The following PRX variants were observed in gnomAD, a reference collection of about 807,000 sequenced individuals.
PRX encodes the protein periaxin.
PRX carries 24 observed loss-of-function variants against 29.6 expected under a neutral mutation model. The ratio of observed to expected loss-of-function variants is 0.81; its 90% CI spans 0.59 to 1.14. PRX has a LOEUF of 1.14. Ranked by LOEUF, PRX falls within the 50% of genes most tolerant of loss-of-function variation. PRX has a pLI of 0.00. For missense variants in PRX, 1,838 were observed against 1,926.4 expected, an observed-to-expected ratio of 0.95 and a Z score of 0.86; for synonymous variants, 772 against 831.7, an observed-to-expected ratio of 0.93 and a Z score of 1.24.
intron 1 of PRX, among the ~76,000 whole-genome samples, chr19:40,409,351 T>A (rs894271018): frequency 6.6e-6 from 1 of 151,984 alleles, no homozygotes; most frequent in Non-Finnish European, 1.5e-5. Flanking sequence ...CTATAAAATG[T>A]GGAGAATAAG....
Position 40,398,880 on chromosome 19 carries a change from G to T in PRX, c.185-64C>A. 6.2e-7 allele frequency: 1 copy of T among 1,610,588 alleles called. No individual in the cohort carries two copies. Among genetic ancestry groups the T allele is most frequent in the South Asian group, 1.1e-5 (1 of 90,640 alleles). ...CCCGGCTCCGCCCGGGCCTAGTTCTGCCCACTTGCACGGAGCCCTCGCGGT... is the reference window on the plus strand; with the variant it reads ...CCCGGCTCCGCCCGGGCCTAGTTCTTCCCACTTGCACGGAGCCCTCGCGGT... On this transcript the variant is annotated intron_variant, in intron 5 of 6. Transcript: ENST00000324001. This position sits in a 1 kb window ranked among gnomAD's most constrained non-coding sequence, Gnocchi z 6.3.
chr19:40,395,030 C>T lies in PRX; in HGVS notation c.3322G>A (p.Glu1108Lys), dbSNP rs2079418168. The T allele has an allele frequency of 6.2e-7, 1 of 1,610,986 alleles. No homozygotes were observed. The highest frequency in any genetic ancestry group is 8.5e-7 in the Non-Finnish European group (1 of 1,179,970). Residue 1108 changes from glutamate (E) to lysine (K), a missense_variant, in exon 7 of 7, where the codon GAG (glutamate) becomes AAG (lysine). Glu to Lys is a moderately conservative substitution (Grantham distance 56). This residue lies in a region of PRX where 1,143 missense variants were observed against 1,193.0 expected (regional missense o/e 0.96). Transcript: ENST00000324001. ...ACAGCCCCCTCTGCCCTCCCTTCCT[C>T]CTGGGCGCCCAGCGTGACCAGCTCC... The part of the protein sequence containing the change: ...EVELVTLGAQ[E>K]EGRAEGAVAV...
upstream of PRX, among the ~76,000 whole-genome samples, chr19:40,414,714 C>A (rs577677576): frequency 6.6e-5 from 10 of 152,104 alleles, no homozygotes; most frequent in African/African-American, 2.4e-4. Context: ...CCCCGGGGGG[C>A]GGCACAGGGA....
At chr19:40,402,168 CGGTG>C (rs1416134802) in intron 5 of PRX, among the ~76,000 whole-genome samples, 2 of 151,520 alleles carry the variant, frequency 1.3e-5, no homozygotes, top group Non-Finnish European at 2.9e-5. Flanking sequence ...CTGGCTAACA[CGGTG>C]AAACCCCGTC....
Position 40,408,186 on chromosome 19 carries a change from A to G in PRX, c.-128T>C. 1.7e-6 allele frequency: 1 copy of G among 591,564 alleles called. No individual in the cohort carries two copies. Among genetic ancestry groups the G allele is most frequent in the South Asian group, 2.0e-5 (1 of 50,274 alleles). 36.6% of individuals were successfully genotyped at this position (591,564 alleles called of 1,614,324 possible). Reference sequence around the variant, plus strand: ...TGCCTGGGTGCAGGCACTTCCTCCTAACAGGAGCCCAGCCCGAGGTGCCGC... The same window carrying G: ...TGCCTGGGTGCAGGCACTTCCTCCTGACAGGAGCCCAGCCCGAGGTGCCGC... On this transcript the variant is annotated 5_prime_UTR_variant, in exon 3 of 7. Transcript: ENST00000324001.
chr19:40,397,232 C>A lies in PRX; in HGVS notation c.1120G>T (p.Glu374Ter). The A allele has an allele frequency of 6.2e-7, 1 of 1,613,906 alleles. No homozygotes were observed. The highest frequency in any genetic ancestry group is 8.5e-7 in the Non-Finnish European group (1 of 1,180,028). Residue 374 changes from glutamate to a stop codon, truncating the protein, a stop_gained, in exon 7 of 7, where the codon GAG becomes TAG. Transcript: ENST00000324001. LOFTEE classifies it low-confidence loss of function (END_TRUNC). ...GGGCTGACCTTGGCTACCTTGGCCT[C>A]AGCAACTTCCTTTGCTCGAGCCCCA... Reference protein sequence around the residue: ...RFGARAKEVAEAKVAKVSPEA... With the variant: ...RFGARAKEVA
chr19:40,395,965 T>A lies in PRX; in HGVS notation c.2387A>T (p.Glu796Val). Residue 796 changes from glutamate (E) to valine (V), a missense_variant, in exon 7 of 7, where the codon GAA becomes GTA. Glu to Val is a moderately radical substitution (Grantham distance 121). This residue lies in a region of PRX where 1,143 missense variants were observed against 1,193.0 expected (regional missense o/e 0.96). Transcript: ENST00000324001. ...ATKAEQAEGM[E>V]FGFKMPKMTM... ...CATCTTGGGCATCTTGAAGCCAAAT[T>A]CCATCCCTTCTGCCTGTTCTGCCTT... The A allele has an allele frequency of 6.2e-7, 1 of 1,614,084 alleles. No homozygotes were observed. Among genetic ancestry groups the A allele is most frequent in the South Asian group, 1.1e-5 (1 of 91,082 alleles).
chr19:40,408,321 G>C lies in PRX; in HGVS notation c.-199+19C>G, dbSNP rs1251636957. On this transcript the variant is annotated intron_variant, in intron 2 of 6. Coordinates refer to ENST00000324001, the MANE Select transcript of PRX (RefSeq NM_181882.3). ...GAGGAAGGGGTGGGGAGGGGCATAT[G>C]GCACCAGCCTGCGCTCACCTGAGGG... 2.5e-6 allele frequency: 1 copy of C among 400,050 alleles called. No homozygotes were observed. The highest frequency in any genetic ancestry group is 4.7e-6 in the Non-Finnish European group (1 of 211,860). The allele number at this position is 400,050 out of a possible 1,614,324, so 24.8% of individuals were successfully genotyped here. A position where few individuals can be genotyped will look rare whatever the true frequency, so the allele number is the denominator to read the frequency against.
intron 5 of PRX, among the ~76,000 whole-genome samples, chr19:40,399,100 G>A (rs2079470339): frequency 6.6e-6 from 1 of 151,884 alleles, no homozygotes; most frequent in Admixed American, 6.6e-5. Flanking sequence ...CTTTTACCGA[G>A]AGAACAGAAT....
chr19:40,396,545 C>T lies in PRX; in HGVS notation c.1807G>A (p.Val603Met), dbSNP rs2145729980. 2 of 1,612,540 alleles carry T rather than the reference C, an allele frequency of 1.2e-6. No homozygotes were observed. The highest frequency in any genetic ancestry group is 1.7e-6 in the Non-Finnish European group (2 of 1,179,616). The change falls in exon 7 of 7, where the codon GTG (valine) becomes ATG (methionine). Residue 603 changes from valine (V) to methionine (M), a missense_variant. This residue lies in a region of PRX where 1,143 missense variants were observed against 1,193.0 expected (regional missense o/e 0.96). Transcript: ENST00000324001. ...MKLPEMKLPEVQLPKVPEMAV... is the reference protein window; with the variant it reads ...MKLPEMKLPEMQLPKVPEMAV... ...ATCTCGGGCACCTTCGGGAGTTGCACTTCAGGGAGTTTCATCTCAGGAAGT... is the reference window on the plus strand; with the variant it reads ...ATCTCGGGCACCTTCGGGAGTTGCATTTCAGGGAGTTTCATCTCAGGAAGT...
chr19:40,404,512 G>A (rs1284085046), intron 4 of PRX, among the ~76,000 whole-genome samples: 6 of 152,026 alleles, frequency 3.9e-5, no homozygotes. Flanking sequence ...CAAAAGATAG[G>A]AGAGGAATGT....
intron 4 of PRX, among the ~76,000 whole-genome samples, chr19:40,405,425 G>A (rs1046741872): frequency 5.3e-5 from 8 of 152,072 alleles, no homozygotes; most frequent in Admixed American, 6.5e-5. Context: ...GGGCCAGCAC[G>A]GACTGGAATT....
chr19:40,412,712 GTGTT>G (rs904048264), intron 1 of PRX, among the ~76,000 whole-genome samples: 41 of 151,946 alleles, frequency 2.7e-4, no homozygotes, highest in African/African-American at 9.7e-4. Context: ...CCCAGCTCTG[GTGTT>G]TGTTAGTTTG....
intron 5 of PRX, among the ~76,000 whole-genome samples, chr19:40,403,274 C>T (rs1271743133): frequency 6.6e-6 from 1 of 152,194 alleles, no homozygotes; most frequent in African/African-American, 2.4e-5. Context: ...ATCCTTTACT[C>T]TTCCCAACCC....
intron 4 of PRX, among the ~76,000 whole-genome samples, chr19:40,406,485 G>C (rs1445261326): frequency 6.6e-6 from 1 of 152,112 alleles, no homozygotes; most frequent in Admixed American, 6.6e-5. Flanking sequence ...AGCAAGTTAA[G>C]CGGCTGGGCC....
chr19:40,405,097 G>A (rs1011325963), intron 4 of PRX, among the ~76,000 whole-genome samples: 5 of 152,050 alleles, frequency 3.3e-5, no homozygotes, highest in African/African-American at 1.2e-4. Context: ...CCTGTGAAAC[G>A]CCCACAGGAG....
In PRX at chr19:40,398,837, C is replaced by A; in HGVS notation, c.185-21G>T. The A allele has an allele frequency of 1.2e-6, 2 of 1,613,862 alleles. No homozygotes were observed. The highest frequency in any genetic ancestry group is 1.7e-6 in the Non-Finnish European group (2 of 1,179,942). ...GTCCCCTGCGGGCGAGGTGGAGGTGCGCAGCACGTGGGCATCTCCCGGCTC... is the reference window on the plus strand; with the variant it reads ...GTCCCCTGCGGGCGAGGTGGAGGTGAGCAGCACGTGGGCATCTCCCGGCTC... On this transcript the variant is annotated intron_variant, in intron 5 of 6. Transcript: ENST00000324001. The surrounding 1 kb of genome is among the most constrained non-coding windows in gnomAD (Gnocchi z 6.3).
rs1487881755 is a variant in PRX, at chr19:40,397,792, C to T, written c.560G>A (p.Arg187His). The T allele has an allele frequency of 3.2e-6, 5 of 1,574,620 alleles. No homozygotes were observed. The highest frequency in any genetic ancestry group is 2.3e-5 in the East Asian group (1 of 43,664). The change falls in exon 7 of 7, where the codon CGC (arginine) becomes CAC (histidine). Residue 187 changes from arginine to histidine, a missense_variant. This residue lies in a region of PRX where 666 missense variants were observed against 665.0 expected (regional missense o/e 1.00). Coordinates refer to ENST00000324001, the MANE Select transcript of PRX (RefSeq NM_181882.3). ...GPVPAAPARRRLQLPRLRVRE... is the reference protein window; with the variant it reads ...GPVPAAPARRHLQLPRLRVRE... ...TACACGCAGCCGAGGCAGCTGGAGG[C>T]GCCGGCGGGCAGGGGCAGCCGGGAC...
At chr19:40,402,533 AG>A (rs1361069323) in intron 5 of PRX, among the ~76,000 whole-genome samples, 1 of 151,476 alleles carries the variant, frequency 6.6e-6, no homozygotes, top group Non-Finnish European at 1.5e-5. Flanking sequence ...GCACTTTGGG[AG>A]GCCGAGGCGG....
Sources: gnomAD v4.1 joint callset for allele counts (sites outside exome capture counted in the v4.1 genomes callset) on GRCh38, gnomAD v4.1.1 for gene constraint, gnomAD v4.1.1 regional missense constraint, Gnocchi (gnomAD v3.1) non-coding constraint, MANE v1.5 for transcripts, NCBI Gene and HGNC (gene_info 2026-07-23, HGNC 2026-07-21) for gene names.